The following GLT6D1 variants were observed in gnomAD, a reference collection of about 807,000 sequenced individuals.
The protein encoded by GLT6D1 is glycosyltransferase 6 domain containing 1.
GLT6D1 carries 9 observed loss-of-function variants against 12.3 expected under a neutral mutation model. The observed-to-expected ratio is 0.73, with a 90% CI of 0.44 to 1.27. GLT6D1 has a LOEUF of 1.27. Ranked by LOEUF, GLT6D1 falls within the 50% of genes most tolerant of loss-of-function variation. The pLI is 0.00. For synonymous variants in GLT6D1, 128 were observed against 132.3 expected (o/e 0.97, Z 0.23); for missense variants, 335 against 346.2 (o/e 0.97, Z 0.26).
chr9:135,639,642 G>A (rs1314681224), upstream of GLT6D1: 1 of 152,780 alleles, frequency 6.5e-6, no homozygotes, highest in Non-Finnish European at 1.5e-5. Context: ...ATTTACAAGT[G>A]CTCTCAAAGG....
chr9:135,626,684 C>G (rs1833527830), intron 3 of GLT6D1, among the ~76,000 whole-genome samples: 1 of 152,168 alleles, frequency 6.6e-6, no homozygotes, highest in Admixed American at 6.5e-5. Context: ...TTTTCTCTCT[C>G]CCCTTTTCCT....
chr9:135,636,523 A>T (rs1833776616), intron 2 of GLT6D1, among the ~76,000 whole-genome samples: 1 of 152,160 alleles, frequency 6.6e-6, no homozygotes, highest in South Asian at 2.1e-4. Flanking sequence ...CTAATTTTTT[A>T]AATTTACATA....
intron 3 of GLT6D1, 91 bp downstream of exon 3, chr9:135,631,340 C>A (rs1387623296): frequency 4.0e-6 from 4 of 1,001,732 alleles, no homozygotes; most frequent in Non-Finnish European, 6.4e-6. Flanking sequence ...CCCAGGAGAG[C>A]TGAATTTGGT....
chr9:135,635,061 C>T (rs1208078585), intron 2 of GLT6D1, among the ~76,000 whole-genome samples: 4 of 152,122 alleles, frequency 2.6e-5, no homozygotes, highest in Admixed American at 1.3e-4. Context: ...GGAGATTTGT[C>T]TCTTCTCCCT....
chr9:135,638,198 T>C (rs747701586), intron 2 of GLT6D1, among the ~76,000 whole-genome samples: 12 of 152,162 alleles, frequency 7.9e-5, no homozygotes, highest in Non-Finnish European at 1.3e-4. Context: ...ACCCATCAGA[T>C]CTCATGAGAC....
At position 135,626,197 on chromosome 9, in the gene GLT6D1, A is replaced by G. The variant is rs1182727008; in HGVS notation, c.129T>C (p.Pro43=). 1 of 1,613,718 alleles carries G rather than the reference A, an allele frequency of 6.2e-7. No individual in the cohort carries two copies. The highest frequency in any genetic ancestry group is 1.7e-5 in the Admixed American group (1 of 59,954). The change falls in exon 4 of 5, where the codon CCT becomes CCC. Residue 43 remains proline (P), a synonymous_variant. Transcript: ENST00000371763. ...GCCAGTCTGTTTTCGTTATAACATC[A>G]GGGCGTTTTCTGTGGAACAAGAACC... is the stretch of plus-strand genomic sequence containing the variant. ...LSDWFHPRKR[P]DVITKTDWLA...
Position 135,628,297 on chromosome 9 carries a change from G to A in GLT6D1, c.120-2091C>T, listed in dbSNP as rs7041950. 7.5e-3 allele frequency among the ~76,000 whole-genome samples: 1,145 copies of A among 151,900 alleles called. 20 individuals carry two copies. Among genetic ancestry groups the A allele is most frequent in the African/African-American group, 0.026 (1,078 of 41,454 alleles). On this transcript the variant is annotated intron_variant, in intron 3 of 4. Coordinates refer to ENST00000371763, the MANE Select transcript of GLT6D1 (RefSeq NM_182974.3). ...GGGTATTTATATTTTTTTAAGTGTC[G>A]AATTTTGTCAAACGCTTTTTCTGCA...
At chr9:135,638,849 G>C (rs1833834538) in intron 2 of GLT6D1, among the ~76,000 whole-genome samples, 1 of 152,102 alleles carries the variant, frequency 6.6e-6, no homozygotes, top group Admixed American at 6.5e-5. Context: ...TGCCAGCCTG[G>C]ACAACATAAG....
intron 4 of GLT6D1, among the ~76,000 whole-genome samples, chr9:135,625,407 T>G (rs372964746): frequency 6.6e-6 from 1 of 152,120 alleles, no homozygotes; most frequent in Non-Finnish European, 1.5e-5. Context: ...GGGCCTTAAA[T>G]CGGCTCAGGT....
intron 3 of GLT6D1, among the ~76,000 whole-genome samples, 174 bp downstream of exon 3, chr9:135,631,257 G>T (rs551636183): frequency 2.6e-5 from 4 of 152,192 alleles, no homozygotes; most frequent in Admixed American, 6.5e-5. Flanking sequence ...CACAATCATC[G>T]CCTGGTTCTT....
chr9:135,634,462 TTTG>T (rs1403931589), intron 2 of GLT6D1, among the ~76,000 whole-genome samples: 40 of 145,850 alleles, frequency 2.7e-4, no homozygotes, highest in East Asian at 1.2e-3. Flanking sequence ...TTTTTTTTTT[TTTG>T]GCATGATTTA....
chr9:135,638,150 G>GA (rs1160731153), intron 2 of GLT6D1, among the ~76,000 whole-genome samples: 1 of 152,174 alleles, frequency 6.6e-6, no homozygotes, highest in Non-Finnish European at 1.5e-5. Flanking sequence ...AGCGGCAAGA[G>GA]AAAATGAGAA....
intron 3 of GLT6D1, among the ~76,000 whole-genome samples, chr9:135,627,236 CT>C (rs56735928): frequency 0.49 from 73,706 of 151,532 alleles, 18,065 homozygotes; most frequent in East Asian, 0.61. Flanking sequence ...CCTAAGGAAT[CT>C]TAAAAAAAAA....
intron 3 of GLT6D1, among the ~76,000 whole-genome samples, chr9:135,626,449 C>T (rs1248769307): frequency 1.3e-5 from 2 of 152,184 alleles, no homozygotes; most frequent in Non-Finnish European, 2.9e-5. Flanking sequence ...GCAGTTAACA[C>T]GTGGGGATGC....
chr9:135,628,907 C>T (rs1316241023), intron 3 of GLT6D1, among the ~76,000 whole-genome samples: 1 of 151,866 alleles, frequency 6.6e-6, no homozygotes, highest in African/African-American at 2.4e-5. Context: ...GGTCATGTCC[C>T]CTCTTTCACT....
chr9:135,637,927 T>A (rs1588207324), intron 2 of GLT6D1, among the ~76,000 whole-genome samples: 1 of 152,296 alleles, frequency 6.6e-6, no homozygotes. Context: ...GCATTGCTTA[T>A]GAAGAAGACC....
chr9:135,629,224 T>C (rs965569092), intron 3 of GLT6D1, among the ~76,000 whole-genome samples: 5 of 152,260 alleles, frequency 3.3e-5, no homozygotes, highest in Admixed American at 3.3e-4. Flanking sequence ...CGTTATTGAC[T>C]TGAGATCTTT....
At chr9:135,629,982 A>G (rs1428033159) in intron 3 of GLT6D1, among the ~76,000 whole-genome samples, 3 of 152,202 alleles carry the variant, frequency 2.0e-5, no homozygotes, top group Non-Finnish European at 2.9e-5. Context: ...GCATCTTTGA[A>G]TCTAAAATGT....
chr9:135,626,086 G>C lies in GLT6D1; in HGVS notation c.240C>G (p.Ala80=). ...YRRRNITVGL[A]VFATGRFAEE... is the part of the protein sequence containing the mutation. ...GCACCTACCTGCCAGTAGCAAAGAC[G>C]GCCAGGCCCACAGTGATATTCCGCC... is the stretch of plus-strand genomic sequence containing the variant. Residue 80 remains alanine (A), a synonymous_variant, in exon 4 of 5, where the codon GCC becomes GCG. Coordinates refer to ENST00000371763, the MANE Select transcript of GLT6D1 (RefSeq NM_182974.3). 5.0e-6 allele frequency: 8 copies of C among 1,614,022 alleles called. No homozygotes were observed. The highest frequency in any genetic ancestry group is 6.8e-6 in the Non-Finnish European group (8 of 1,179,956).
Sources: gnomAD v4.1 joint callset for allele counts (sites outside exome capture counted in the v4.1 genomes callset) on GRCh38, gnomAD v4.1.1 for gene constraint, MANE v1.5 for transcripts, NCBI Gene and HGNC (gene_info 2026-07-23, HGNC 2026-07-21) for gene names.